The following VIPR2 variants were observed in gnomAD, a reference collection of about 807,000 sequenced individuals.
VIPR2 encodes vasoactive intestinal polypeptide receptor 2.
Under a neutral mutation model 58.0 loss-of-function variants are expected in VIPR2, and 48 were observed. That is an observed-to-expected ratio of 0.83 (90% CI 0.66 to 1.05). The LOEUF is 1.05. Among genes scored for constraint, VIPR2 ranks in the 50% least tolerant of loss-of-function variants. The pLI is 0.00. For synonymous variants in VIPR2, 243 were observed against 235.2 expected, an observed-to-expected ratio of 1.03 and a Z score of -0.30; for missense variants, 534 against 558.0, an observed-to-expected ratio of 0.96 and a Z score of 0.43.
intron 3 of VIPR2, among the ~76,000 whole-genome samples, chr7:159,108,311 G>C (rs1206524002): frequency 6.6e-6 from 1 of 152,228 alleles, no homozygotes; most frequent in African/African-American, 2.4e-5. Context: ...ATGCCCCAAA[G>C]ATGAATTCCA....
intron 2 of VIPR2, among the ~76,000 whole-genome samples, chr7:159,126,913 A>T (rs529674644): frequency 2.8e-4 from 43 of 152,360 alleles, no homozygotes; most frequent in African/African-American, 9.9e-4. Context: ...CTACCTGACC[A>T]GGGCTTTTCT....
chr7:159,091,710 G>A (rs991020164), intron 4 of VIPR2, among the ~76,000 whole-genome samples: 3 of 152,164 alleles, frequency 2.0e-5, no homozygotes, highest in Admixed American at 6.5e-5. Flanking sequence ...ACTGGTCGGT[G>A]CCACAGGAGG....
At chr7:159,110,171 A>T (rs980829600) in intron 2 of VIPR2, among the ~76,000 whole-genome samples, 2 of 152,220 alleles carry the variant, frequency 1.3e-5, no homozygotes, top group Non-Finnish European at 2.9e-5. Flanking sequence ...GAGAATCATT[A>T]CTTACTTCTT....
chr7:159,078,061 C>T (rs1247965249), intron 4 of VIPR2, among the ~76,000 whole-genome samples: 1 of 152,230 alleles, frequency 6.6e-6, no homozygotes, highest in African/African-American at 2.4e-5. Context: ...CATGCATGGA[C>T]AACATTCATG....
chr7:159,087,587 C>T (rs1171032673), intron 4 of VIPR2, among the ~76,000 whole-genome samples: 3 of 128,250 alleles, frequency 2.3e-5, no homozygotes, highest in Non-Finnish European at 5.1e-5. Context: ...AAACAATAAC[C>T]ACACTCTGCC....
intron 4 of VIPR2, among the ~76,000 whole-genome samples, chr7:159,090,656 A>G (rs577909817): frequency 1.8e-4 from 18 of 98,906 alleles, no homozygotes; most frequent in South Asian, 4.0e-4. Flanking sequence ...CACAATCCCC[A>G]GTGCCCTCAG....
intron 2 of VIPR2, among the ~76,000 whole-genome samples, chr7:159,132,769 C>CAGAATGATTGGCATACAGATTGATTTG (rs1796982521): frequency 8.3e-6 from 1 of 121,026 alleles, no homozygotes; most frequent in African/African-American, 4.2e-5. Context: ...AGACTGATTT[C>CAGAATGATTGGCATACAGATTGATTTG]AGACAGAATG....
Position 159,103,811 on chromosome 7 carries a change from C to T in VIPR2, c.303G>A (p.Thr101=), listed in dbSNP as rs372982230. The change falls in exon 4 of 13, where the codon ACG becomes ACA. Residue 101 remains threonine, a synonymous_variant. Coordinates refer to ENST00000262178, the MANE Select transcript of VIPR2 (RefSeq NM_003382.5). ...CACAGGCATCGACGAAATCTGGGAACGTCTCTGACCATCCGTCACTCGTAC... is the reference window on the plus strand; with the variant it reads ...CACAGGCATCGACGAAATCTGGGAATGTCTCTGACCATCCGTCACTCGTAC... ...KNCTSDGWSE[T]FPDFVDACGY... 89 of 1,614,202 alleles carry T rather than the reference C, an allele frequency of 5.5e-5. No homozygotes were observed. The African/African-American group carries it at 7.1e-4, about 13-fold the overall frequency.
At chr7:159,136,861 G>A (rs148964484) in intron 2 of VIPR2, among the ~76,000 whole-genome samples, 2,033 of 152,228 alleles carry the variant, frequency 0.013, 29 homozygotes, top group South Asian at 0.036. Flanking sequence ...GCCGCCACTC[G>A]TCACCAACCC....
chr7:159,144,807 G>A lies in VIPR2; in HGVS notation c.-36C>T, dbSNP rs1563365248. 1.6e-6 allele frequency: 2 copies of A among 1,241,334 alleles called. No individual in the cohort carries two copies. Among genetic ancestry groups the A allele is most frequent in the East Asian group, 6.3e-5 (2 of 31,534 alleles). The allele number at this position is 1,241,334 out of a possible 1,614,324, so 76.9% of individuals were successfully genotyped here. A position where few individuals can be genotyped will look rare whatever the true frequency, so the allele number is the denominator to read the frequency against. On this transcript the variant is annotated 5_prime_UTR_variant, in exon 1 of 13. Coordinates refer to ENST00000262178, the MANE Select transcript of VIPR2 (RefSeq NM_003382.5). ...GCGTGCCGGGGGCCGCCCAGCGCCC[G>A]CCGCCTCCGTCCTAGGTCCCCGCGG... is the stretch of plus-strand genomic sequence containing the variant.
chr7:159,126,111 C>T (rs1201555916), intron 2 of VIPR2, among the ~76,000 whole-genome samples: 1 of 152,228 alleles, frequency 6.6e-6, no homozygotes, highest in Non-Finnish European at 1.5e-5. Context: ...AACAAACCTT[C>T]CCTGCATCTG....
rs1853551357 is a variant in VIPR2 at position 159,031,143 on chromosome 7, C to T, written c.1144-354G>A. Reference sequence around the variant, plus strand: ...ACGGTGCTGGGCCTCCGTCTCCTTCCCTGTTCCCAGCGGGCAGGGAATGTT... The same window carrying T: ...ACGGTGCTGGGCCTCCGTCTCCTTCTCTGTTCCCAGCGGGCAGGGAATGTT... On this transcript the variant is annotated intron_variant, in intron 12 of 12. Transcript: ENST00000262178. This position sits in a 1 kb window ranked among gnomAD's most constrained non-coding sequence, Gnocchi z 4.0. Among the ~76,000 whole-genome samples the T allele has an allele frequency of 6.6e-6, 1 of 152,136 alleles. No homozygotes were observed. The highest frequency in any genetic ancestry group is 1.5e-5 in the Non-Finnish European group (1 of 68,028).
rs1004796491 is a variant in VIPR2, at chr7:159,098,213, C to T, written c.357+5544G>A. 6.6e-5 allele frequency among the ~76,000 whole-genome samples: 10 copies of T among 152,298 alleles called. No homozygotes were observed. Among genetic ancestry groups the T allele is most frequent in the Admixed American group, 3.9e-4 (6 of 15,298 alleles). The stretch of plus-strand genomic sequence containing the variant: ...GATGAAGGGCAGGGCAGGGCAGGGC[C>T]GGGTGGTCGGGCCCCAGCACACGGC... On this transcript the variant is annotated intron_variant, in intron 4 of 12. Transcript: ENST00000262178. The surrounding 1 kb of genome is among the most constrained non-coding windows in gnomAD (Gnocchi z 5.2).
In VIPR2 at chr7:159,127,317, G is replaced by T. The variant is rs1796689959; in HGVS notation, c.151+15129C>A. ...TTCAGAAACAGCGGTTTGATTCTGG[G>T]TTGGGGTTCAGGTGGATTCCACAGG... is the stretch of plus-strand genomic sequence containing the variant. On this transcript the variant is annotated intron_variant, in intron 2 of 12. Transcript: ENST00000262178. This position sits in a 1 kb window ranked among gnomAD's most constrained non-coding sequence, Gnocchi z 4.6. 6.6e-6 allele frequency among the ~76,000 whole-genome samples: 1 copy of T among 152,200 alleles called. No homozygotes were observed. The highest frequency in any genetic ancestry group is 1.5e-5 in the Non-Finnish European group (1 of 68,038).
At position 159,034,264 on chromosome 7, in the gene VIPR2, A is replaced by G; in HGVS notation, c.920T>C (p.Leu307Pro). Residue 307 changes from leucine (L) to proline (P), a missense_variant, in exon 10 of 13, where the codon CTG becomes CCG. Physicochemically the swap from Leu to Pro is moderately conservative, Grantham distance 98 (BLOSUM62 -3). This residue lies in a region of VIPR2 where 306 missense variants were observed against 285.8 expected (regional missense o/e 1.07). Coordinates refer to ENST00000262178, the MANE Select transcript of VIPR2 (RefSeq NM_003382.5). ...VLFISIIRIL[L>P]QKLTSPDVGG... ...GACATCTGGGGATGTTAACTTCTGC[A>G]GCAAAATTCGTATAATACTAATGAA... 1 of 1,614,116 alleles carries G rather than the reference A, an allele frequency of 6.2e-7. No individual in the cohort carries two copies. The highest frequency in any genetic ancestry group is 1.3e-5 in the African/African-American group (1 of 75,064).
chr7:159,142,764 A>AT (rs36028373), intron 1 of VIPR2, among the ~76,000 whole-genome samples: 61,192 of 151,922 alleles, frequency 0.4, 13,499 homozygotes, highest in Non-Finnish European at 0.5. Context: ...ATCTAATAGA[A>AT]TTTTTTTTCT....
intron 4 of VIPR2, among the ~76,000 whole-genome samples, chr7:159,100,684 G>A (rs994020376): frequency 2.0e-5 from 3 of 152,250 alleles, no homozygotes; most frequent in East Asian, 1.9e-4. Flanking sequence ...CATGCAGGCC[G>A]TTCCCCTGAC....
chr7:159,034,432 G>T lies in VIPR2; in HGVS notation c.880-128C>A, dbSNP rs1007531535. 4 of 1,266,020 alleles carry T rather than the reference G, an allele frequency of 3.2e-6. No individual in the cohort carries two copies. The African/African-American group carries it at 5.9e-5, about 19-fold the overall frequency. 78.4% of individuals were successfully genotyped at this position (1,266,020 alleles called of 1,614,324 possible). Reference sequence around the variant, plus strand: ...CTCCTTCCCTGGGAACTGCCTCTGGGGGTCCACATGCCTGAAGAGGTCCTT... The same window carrying T: ...CTCCTTCCCTGGGAACTGCCTCTGGTGGTCCACATGCCTGAAGAGGTCCTT... On this transcript the variant is annotated intron_variant, in intron 9 of 12. Coordinates refer to ENST00000262178, the MANE Select transcript of VIPR2 (RefSeq NM_003382.5).
chr7:159,072,545 CAAG>C (rs1355587362), intron 4 of VIPR2, among the ~76,000 whole-genome samples: 2 of 152,042 alleles, frequency 1.3e-5, no homozygotes, highest in East Asian at 1.9e-4. Flanking sequence ...TCAAGGAAAG[CAAG>C]AAGAAGGAAA....
Sources: gnomAD v4.1 joint callset for allele counts (sites outside exome capture counted in the v4.1 genomes callset) on GRCh38, gnomAD v4.1.1 for gene constraint, gnomAD v4.1.1 regional missense constraint, Gnocchi (gnomAD v3.1) non-coding constraint, MANE v1.5 for transcripts, NCBI Gene and HGNC (gene_info 2026-07-23, HGNC 2026-07-21) for gene names.